The following LRTM3 variants were observed in gnomAD, a reference collection of about 807,000 sequenced individuals.
The protein encoded by LRTM3 is leucine-rich repeat transmembrane protein 3.
chr13:102,737,229 C>G, the LRTM3 span: 6 of 1,551,062 alleles, frequency 3.9e-6, no homozygotes, highest in South Asian at 1.2e-5. Flanking sequence ...GTTTTTACAT[C>G]ATTTGAGCTA....
the LRTM3 span, chr13:102,739,958 T>G: frequency 5.2e-6 from 8 of 1,550,436 alleles, no homozygotes; most frequent in East Asian, 2.0e-4. Context: ...AAATACTGAT[T>G]TCTTCCATTT....
At chr13:102,743,050 C>A in the LRTM3 span, 1 of 1,550,040 alleles carries the variant, frequency 6.5e-7, no homozygotes, top group African/African-American at 1.4e-5. Context: ...CTCCCAAAAG[C>A]ACATCCTCTG....
At chr13:102,739,760 A>G in the LRTM3 span, 2 of 1,549,118 alleles carry the variant, frequency 1.3e-6, no homozygotes, top group Non-Finnish European at 1.7e-6. Context: ...ACTTGAGATC[A>G]CCCCATCAAT....
the LRTM3 span, chr13:102,732,405 T>C: frequency 1.3e-6 from 2 of 1,551,396 alleles, no homozygotes; most frequent in Non-Finnish European, 8.7e-7. Flanking sequence ...TGGATTTTCA[T>C]AGTTAAATAT....
chr13:102,752,845 C>T, the LRTM3 span, among the ~76,000 whole-genome samples: 2 of 152,066 alleles, frequency 1.3e-5, no homozygotes, highest in African/African-American at 4.8e-5. Flanking sequence ...GGAGATAAGG[C>T]CATCAAAAGA....
At chr13:102,750,300 G>C in the LRTM3 span, 1 of 1,546,052 alleles carries the variant, frequency 6.5e-7, no homozygotes, top group East Asian at 2.4e-5. Flanking sequence ...AGTATTTCAC[G>C]TGAGAATAAA....
At chr13:102,751,020 T>G in the LRTM3 span, among the ~76,000 whole-genome samples, 3 of 152,160 alleles carry the variant, frequency 2.0e-5, no homozygotes, top group Non-Finnish European at 4.4e-5. Context: ...TATTTGTCAG[T>G]TTGGCTGGGC....
chr13:102,750,028 A>G, the LRTM3 span: 1 of 1,550,050 alleles, frequency 6.5e-7, no homozygotes, highest in East Asian at 2.4e-5. Context: ...CATTTTCTAC[A>G]GTGAATCTAG....
chr13:102,741,282 C>G, the LRTM3 span: 5 of 1,550,094 alleles, frequency 3.2e-6, no homozygotes, highest in Non-Finnish European at 4.4e-6. Context: ...GTAACATTTT[C>G]TTTTCTTGCT....
chr13:102,747,782 C>G, the LRTM3 span: 2 of 1,551,100 alleles, frequency 1.3e-6, no homozygotes, highest in Admixed American at 2.0e-5. Flanking sequence ...GGGGCATGGA[C>G]TATTCTCCAA....
the LRTM3 span, chr13:102,741,240 C>T: frequency 6.5e-7 from 1 of 1,550,114 alleles, no homozygotes. Flanking sequence ...TGCTCTTTTC[C>T]CCAAAGATTT....
the LRTM3 span, chr13:102,742,776 G>T: frequency 6.4e-7 from 1 of 1,550,414 alleles, no homozygotes; most frequent in East Asian, 2.4e-5. Context: ...TCTGAAGCAG[G>T]TGAATGCCTG....
At chr13:102,733,150 G>A in the LRTM3 span, 4 of 1,551,322 alleles carry the variant, frequency 2.6e-6, no homozygotes, top group African/African-American at 5.5e-5. Flanking sequence ...AAAGGATAGT[G>A]TTCGTCCTGG....
At chr13:102,744,355 T>G in the LRTM3 span, 17 of 1,550,364 alleles carry the variant, frequency 1.1e-5, no homozygotes, top group Middle Eastern at 8.4e-4. Flanking sequence ...TTTGATTCCA[T>G]GCAGTTTTCT....
chr13:102,737,217 C>T, the LRTM3 span: 15 of 1,550,902 alleles, frequency 9.7e-6, no homozygotes, highest in Non-Finnish European at 1.2e-5. Context: ...TATTCTTGTA[C>T]TGTTTTTACA....
At chr13:102,733,816 G>A in the LRTM3 span, 16 of 1,551,292 alleles carry the variant, frequency 1.0e-5, no homozygotes, top group African/African-American at 2.1e-4. Flanking sequence ...TGAAGTTTGA[G>A]GTCAACTGTT....
the LRTM3 span, chr13:102,733,904 T>C: frequency 6.4e-7 from 1 of 1,551,254 alleles, no homozygotes; most frequent in Non-Finnish European, 8.7e-7. Flanking sequence ...TGAGTCTCTA[T>C]TTGTTATTTT....
At chr13:102,758,683 A>C in the LRTM3 span, 1 of 1,524,048 alleles carries the variant, frequency 6.6e-7, no homozygotes. Flanking sequence ...AAAAGGGGAA[A>C]TCAACCATTT....
At chr13:102,730,278 C>T in the LRTM3 span, 1 of 1,551,358 alleles carries the variant, frequency 6.4e-7, no homozygotes, top group Non-Finnish European at 8.7e-7. Context: ...TTTTCTGATT[C>T]CTGACTTAAA....
Sources: allele counts gnomAD v4.1 joint callset (sites outside exome capture counted in the v4.1 genomes callset), GRCh38; gene constraint gnomAD v4.1.1; transcripts MANE v1.5; gene names NCBI Gene and HGNC (gene_info 2026-07-23, HGNC 2026-07-21).